Variants in CLTRN observed in about 807,000 individuals in gnomAD.
CLTRN encodes the protein collectrin.
Under a neutral mutation model 14.5 loss-of-function variants are expected in CLTRN, and 12 were observed. That is an observed-to-expected ratio of 0.83 (90% confidence interval 0.53 to 1.34). The LOEUF (loss-of-function observed/expected upper bound fraction) is 1.34. Ranked by LOEUF, CLTRN falls within the 40% of genes most tolerant of loss-of-function variation. The probability of loss-of-function intolerance (pLI) is 0.00; values close to 1 mark genes in which losing one functional copy is unlikely to be tolerated. For missense variants in CLTRN, 154 were observed against 165.1 expected (o/e 0.93, Z 0.37); for synonymous variants, 58 against 56.5 (o/e 1.03, Z -0.12).
intron 3 of CLTRN, among the ~76,000 whole-genome samples, chrX:15,650,157 G>C (rs1277040954): frequency 3.9e-5 from 4 of 102,545 alleles, no homozygotes; most frequent in African/African-American, 1.4e-4. Context: ...GATATCCTTG[G>C]GAGCAATTGC....
intron 3 of CLTRN, among the ~76,000 whole-genome samples, chrX:15,658,806 A>G (rs185197754): frequency 6.4e-5 from 7 of 109,941 alleles, no homozygotes; most frequent in Admixed American, 2.0e-4. Context: ...ATTTATCTTC[A>G]TATTATCTAT....
chrX:15,659,675 A>T (rs1429256233), intron 2 of CLTRN, among the ~76,000 whole-genome samples: 1 of 110,866 alleles, frequency 9.0e-6, no homozygotes, highest in Non-Finnish European at 1.9e-5. Context: ...GTGGGCCCTA[A>T]TCCACTATGA....
At chrX:15,631,986 T>G (rs906104815) in intron 5 of CLTRN, among the ~76,000 whole-genome samples, 2 of 112,456 alleles carry the variant, frequency 1.8e-5, no homozygotes, top group Non-Finnish European at 1.9e-5. Flanking sequence ...TGAGTTCTTT[T>G]TCCTGAAAAC....
intron 2 of CLTRN, 87 bp from the exon 3 acceptor site, chrX:15,659,188 CTCTCCA>C: frequency 2.4e-6 from 1 of 408,908 alleles, no homozygotes; most frequent in Non-Finnish European, 4.6e-6. Flanking sequence ...CTCTCTCTCT[CTCTCCA>C]CACACACACA....
intron 2 of CLTRN, among the ~76,000 whole-genome samples, chrX:15,661,840 C>A (rs941554808): frequency 8.9e-6 from 1 of 112,018 alleles, no homozygotes; most frequent in African/African-American, 3.2e-5. Flanking sequence ...CTTCACAGAC[C>A]AAATGGTACA....
intron 3 of CLTRN, among the ~76,000 whole-genome samples, chrX:15,656,768 T>G (rs1159433646): frequency 2.7e-5 from 3 of 111,027 alleles, no homozygotes; most frequent in African/African-American, 9.8e-5. Context: ...GAATTGCATC[T>G]TAAACACATC....
At position 15,627,473 on chromosome X, in the gene CLTRN, AC is replaced by A. The variant is rs1274635909; in HGVS notation, c.*497del. The A allele has an allele frequency of 1.8e-5, 2 of 112,491 alleles. No individual in the cohort carries two copies. Among genetic ancestry groups the A allele is most frequent in the Non-Finnish European group, 3.8e-5 (2 of 53,263 alleles). The allele number at this position is 112,491 out of a possible 1,213,427, so 9.3% of individuals were successfully genotyped here. On this transcript the variant is annotated 3_prime_UTR_variant, in exon 6 of 6. Transcript: ENST00000380342. ...TGGTGTGATAACAGGATAAAATTCC[AC>A]CCTGTATATGAGTAATTCCATTTTT...
At chrX:15,658,899 G>A (rs1255873061) in intron 3 of CLTRN, 117 bp downstream of exon 3, 3 of 330,275 alleles carry the variant, frequency 9.1e-6, no homozygotes, top group African/African-American at 5.4e-5. Context: ...TAATAAAAGT[G>A]TGAATCCCTT....
chrX:15,669,062 T>G (rs1219660995), upstream of CLTRN, among the ~76,000 whole-genome samples: 1 of 112,191 alleles, frequency 8.9e-6, no homozygotes, highest in African/African-American at 3.2e-5. Flanking sequence ...TTCTTTCTGT[T>G]TTTTGATTCA....
intron 3 of CLTRN, among the ~76,000 whole-genome samples, chrX:15,656,106 C>G (rs1386542391): frequency 8.9e-6 from 1 of 112,048 alleles, no homozygotes; most frequent in Admixed American, 9.4e-5. Flanking sequence ...TCTCTGATCC[C>G]CTTAGGGAAT....
rs113115664 is a variant in CLTRN, at chrX:15,652,507, C to T, written c.203+6509G>A. Among the ~76,000 whole-genome samples the T allele has an allele frequency of 8.5e-3, 909 of 106,704 alleles. 2 individuals are homozygous for T. Among genetic ancestry groups the T allele is most frequent in the Non-Finnish European group, 0.014 (710 of 52,013 alleles). The allele number at this position is 106,704 out of a possible 115,157, so 92.7% of individuals were successfully genotyped here. ...AAAAGGCAGGGAGGGGAGTGAGAAA[C>T]CTTTTATCTTTGGCCTTTTTAACCA... is the stretch of plus-strand genomic sequence containing the variant. On this transcript the variant is annotated intron_variant, in intron 3 of 5. Transcript: ENST00000380342.
At chrX:15,674,621 G>C (rs555757029) in intron 1 of CLTRN, among the ~76,000 whole-genome samples, 4 of 112,717 alleles carry the variant, frequency 3.5e-5, no homozygotes, top group Non-Finnish European at 7.5e-5. Flanking sequence ...CTTTTTAGGA[G>C]AGGATCAGAG....
chrX:15,633,747 T>C (rs975992530), intron 5 of CLTRN, among the ~76,000 whole-genome samples: 1 of 112,458 alleles, frequency 8.9e-6, no homozygotes, highest in Non-Finnish European at 1.9e-5. Context: ...TAAGTATAAC[T>C]AGAAACAAAC....
Position 15,664,378 on chromosome X carries a change from T to A in CLTRN, c.76A>T (p.Lys26Ter), listed in dbSNP as rs1465163736. 1 of 1,189,723 alleles carries A rather than the reference T, an allele frequency of 8.4e-7. No homozygotes were observed. Among genetic ancestry groups the A allele is most frequent in the Non-Finnish European group, 1.1e-6 (1 of 882,437 alleles). The change falls in exon 2 of 6, where the codon AAA becomes TAA. Residue 26 changes from lysine (K) to a stop codon, truncating the protein, a stop_gained. Coordinates refer to ENST00000380342, the MANE Select transcript of CLTRN (RefSeq NM_020665.6). LOFTEE classifies it high-confidence loss of function. ...LCQPGAENAF[K>*]VRLSIRTALG... ...GCTGTTCTGATACTAAGTCTCACTT[T>A]AAAAGCATTTTCTGCACCTGCCAGA... is the stretch of plus-strand genomic sequence containing the variant.
At chrX:15,674,929 G>A (rs1480545852) in intron 1 of CLTRN, 1 of 113,752 alleles carries the variant, frequency 8.8e-6, no homozygotes, top group Non-Finnish European at 1.9e-5. Context: ...GGCCTGAGAG[G>A]ACGGCCAGGA....
chrX:15,662,715 C>T (rs767957431), intron 2 of CLTRN, among the ~76,000 whole-genome samples: 3 of 111,578 alleles, frequency 2.7e-5, no homozygotes, highest in Non-Finnish European at 5.6e-5. Context: ...CCAGCTCCTC[C>T]ACCCCACGAA....
intron 2 of CLTRN, among the ~76,000 whole-genome samples, chrX:15,660,884 A>G (rs1929492569): frequency 8.9e-6 from 1 of 112,140 alleles, no homozygotes; most frequent in South Asian, 3.7e-4. Flanking sequence ...TCATATGCAA[A>G]TGTTAAATAC....
intron 5 of CLTRN, among the ~76,000 whole-genome samples, chrX:15,631,378 A>G (rs1354481701): frequency 8.9e-6 from 1 of 112,141 alleles, no homozygotes; most frequent in African/African-American, 3.2e-5. Context: ...AGTAGGTGGC[A>G]ATGCAATAGC....
At chrX:15,655,450 C>T (rs1374772451) in intron 3 of CLTRN, among the ~76,000 whole-genome samples, 4 of 111,947 alleles carry the variant, frequency 3.6e-5, no homozygotes, top group East Asian at 2.8e-4. Context: ...CACCTCGCCT[C>T]GGCTCTGCCT....
Sources: gnomAD v4.1 joint callset for allele counts (sites outside exome capture counted in the v4.1 genomes callset) on GRCh38, gnomAD v4.1.1 for gene constraint, MANE v1.5 for transcripts, NCBI Gene and HGNC (gene_info 2026-07-23, HGNC 2026-07-21) for gene names.